ANKRD12: variants seen among roughly 807,000 people sequenced by gnomAD.
ANKRD12 encodes ankyrin repeat domain 12.
ANKRD12 carries 85 observed loss-of-function variants against 183.4 expected under a neutral mutation model. The observed-to-expected ratio is 0.46, with a 90% CI of 0.39 to 0.56. ANKRD12 has a LOEUF of 0.56. Among genes scored for constraint, ANKRD12 ranks in the 20% least tolerant of loss-of-function variants. The pLI is 0.00. For synonymous variants in ANKRD12, 914 were observed against 800.2 expected (o/e 1.14, Z -2.40); for missense variants, 2,405 against 2,357.1 (o/e 1.02, Z -0.42).
chr18:9,211,110 C>T (rs1334315959), intron 5 of ANKRD12, among the ~76,000 whole-genome samples: 1 of 151,830 alleles, frequency 6.6e-6, no homozygotes, highest in Non-Finnish European at 1.5e-5. Context: ...TTTTGTAGCT[C>T]TTCTCTTTCA....
intron 8 of ANKRD12, among the ~76,000 whole-genome samples, chr18:9,225,741 C>T (rs1277470806): frequency 6.6e-6 from 1 of 152,194 alleles, no homozygotes; most frequent in African/African-American, 2.4e-5. Flanking sequence ...AAATTACCCA[C>T]TTACAATTTG....
At chr18:9,240,493 C>G (rs2037599264) in intron 8 of ANKRD12, among the ~76,000 whole-genome samples, 1 of 152,140 alleles carries the variant, frequency 6.6e-6, no homozygotes, top group Non-Finnish European at 1.5e-5. Context: ...GGTAACTTGT[C>G]ACATAACACC....
At chr18:9,138,978 G>A (rs144512164) in intron 1 of ANKRD12, among the ~76,000 whole-genome samples, 13 of 152,308 alleles carry the variant, frequency 8.5e-5, no homozygotes, top group Non-Finnish European at 1.8e-4. Context: ...TGAGTGTTAA[G>A]TGTACTTATG....
At chr18:9,206,302 A>C (rs184556464) in intron 4 of ANKRD12, among the ~76,000 whole-genome samples, 43 of 152,178 alleles carry the variant, frequency 2.8e-4, no homozygotes, top group African/African-American at 1.0e-3. Context: ...GCAGGTACTG[A>C]ATCTTGAGAA....
At chr18:9,177,942 G>A (rs1030101513) in intron 1 of ANKRD12, among the ~76,000 whole-genome samples, 1 of 151,800 alleles carries the variant, frequency 6.6e-6, no homozygotes, top group African/African-American at 2.4e-5. Flanking sequence ...CTTTTAAATT[G>A]GGTTGTTTAT....
At chr18:9,152,763 T>C (rs1339937563) in intron 1 of ANKRD12, among the ~76,000 whole-genome samples, 1 of 152,078 alleles carries the variant, frequency 6.6e-6, no homozygotes, top group African/African-American at 2.4e-5. Context: ...TTTTCTACAG[T>C]TTTTTAATTT....
rs2145540941 is a variant in ANKRD12 at position 9,284,638 on chromosome 18, G to C, written c.*3512G>C. On this transcript the variant is annotated 3_prime_UTR_variant, in exon 13 of 13. Coordinates refer to ENST00000262126, the MANE Select transcript of ANKRD12 (RefSeq NM_015208.5). The stretch of plus-strand genomic sequence containing the variant: ...TCATCATTATTTAAGTGACTTCTTG[G>C]GAGCCGTCTTTGTACCTAAAATGGA... The C allele has an allele frequency of 6.6e-6, 1 of 152,042 alleles. No homozygotes were observed. Among genetic ancestry groups the C allele is most frequent in the Middle Eastern group, 3.4e-3 (1 of 294 alleles). 9.4% of individuals were successfully genotyped at this position (152,042 alleles called of 1,614,324 possible).
intron 2 of ANKRD12, among the ~76,000 whole-genome samples, 162 bp downstream of exon 2, chr18:9,182,681 ATTGT>A (rs1360109847): frequency 2.0e-5 from 3 of 152,188 alleles, no homozygotes; most frequent in Non-Finnish European, 4.4e-5. Flanking sequence ...TGGGGAAGTG[ATTGT>A]TTATCATTCC....
intron 1 of ANKRD12, among the ~76,000 whole-genome samples, chr18:9,165,217 C>T (rs568955700): frequency 2.1e-4 from 32 of 152,208 alleles, no homozygotes; most frequent in Admixed American, 5.9e-4. Context: ...AGGATTGCGA[C>T]TCCTGCTTTT....
Position 9,258,082 on chromosome 18 carries a change from A to C in ANKRD12, c.4815A>C (p.Ala1605=). 1.2e-6 allele frequency: 2 copies of C among 1,613,368 alleles called. No individual in the cohort carries two copies. The highest frequency in any genetic ancestry group is 1.7e-6 in the Non-Finnish European group (2 of 1,179,968). ...CTACCCAGCTAAATACACATTATGC[A>C]TTTAGCAAACTAACTTACAAGTCTT... ...DASTQLNTHY[A]FSKLTYKSSS... is the part of the protein sequence containing the mutation. Residue 1605 remains alanine, a synonymous_variant, in exon 9 of 13, where the codon GCA becomes GCC. Coordinates refer to ENST00000262126, the MANE Select transcript of ANKRD12 (RefSeq NM_015208.5).
At chr18:9,279,780 A>G (rs563372398) in intron 12 of ANKRD12, 136 bp downstream of exon 12, 34 of 563,980 alleles carry the variant, frequency 6.0e-5, no homozygotes, top group African/African-American at 4.4e-4. Flanking sequence ...CTGGGCCACA[A>G]TTGGAAAGAT....
In ANKRD12 at chr18:9,285,325, G is replaced by C. The variant is rs1022706892; in HGVS notation, c.*4199G>C. The C allele has an allele frequency of 6.6e-6, 1 of 151,334 alleles. No homozygotes were observed. The highest frequency in any genetic ancestry group is 1.5e-5 in the Non-Finnish European group (1 of 67,866). The allele number at this position is 151,334 out of a possible 1,614,324, so 9.4% of individuals were successfully genotyped here. The stretch of plus-strand genomic sequence containing the variant: ...GCCTGCCTGTAGTCCTAGCTACTTG[G>C]GAGGTTGAGACAGGAGAATCGCTTG... On this transcript the variant is annotated 3_prime_UTR_variant, in exon 13 of 13. Coordinates refer to ENST00000262126, the MANE Select transcript of ANKRD12 (RefSeq NM_015208.5).
intron 3 of ANKRD12, among the ~76,000 whole-genome samples, chr18:9,197,681 C>A (rs901846459): frequency 7.2e-5 from 11 of 152,042 alleles, no homozygotes; most frequent in Admixed American, 2.6e-4. Flanking sequence ...TTAAGAAAAT[C>A]ATAAAGAACA....
At chr18:9,250,549 T>C (rs2038229156) in intron 8 of ANKRD12, among the ~76,000 whole-genome samples, 1 of 151,998 alleles carries the variant, frequency 6.6e-6, no homozygotes, top group Non-Finnish European at 1.5e-5. Flanking sequence ...TGAGTCCTCA[T>C]CTCCACAAAA....
chr18:9,154,286 G>A (rs999591388), intron 1 of ANKRD12, among the ~76,000 whole-genome samples: 3 of 152,096 alleles, frequency 2.0e-5, no homozygotes, highest in African/African-American at 4.8e-5. Context: ...GATGGATGTG[G>A]TAACATGTGC....
chr18:9,196,870 A>G (rs1338879076), intron 3 of ANKRD12, among the ~76,000 whole-genome samples: 1 of 151,974 alleles, frequency 6.6e-6, no homozygotes, highest in African/African-American at 2.4e-5. Context: ...GAAGCATCCT[A>G]AGTGATACTC....
intron 8 of ANKRD12, among the ~76,000 whole-genome samples, chr18:9,247,816 TCTTGAGATGGA>T (rs2038054027): frequency 6.6e-6 from 1 of 151,854 alleles, no homozygotes; most frequent in African/African-American, 2.4e-5. Flanking sequence ...TGTTTTGTTT[TCTTGAGATGGA>T]GTTTCATTCT....
chr18:9,235,482 A>G (rs115513033), intron 8 of ANKRD12, among the ~76,000 whole-genome samples: 1,577 of 152,378 alleles, frequency 0.01, 21 homozygotes, highest in African/African-American at 0.036. Flanking sequence ...ATTTTGCCAT[A>G]GTTAATATAT....
chr18:9,155,814 TC>T (rs2030336921), intron 1 of ANKRD12, among the ~76,000 whole-genome samples: 1 of 152,194 alleles, frequency 6.6e-6, no homozygotes, highest in Admixed American at 6.5e-5. Flanking sequence ...TTATTCTTTT[TC>T]ATATGTGTTG....
Sources: gnomAD v4.1 joint callset for allele counts (sites outside exome capture counted in the v4.1 genomes callset) on GRCh38, gnomAD v4.1.1 for gene constraint, MANE v1.5 for transcripts, NCBI Gene and HGNC (gene_info 2026-07-23, HGNC 2026-07-21) for gene names.